Variants in TMTC1 observed in about 807,000 individuals in gnomAD.
TMTC1 encodes the protein protein O-mannosyl-transferase TMTC1.
TMTC1 carries 73 observed loss-of-function variants against 104.8 expected under a neutral mutation model. That is an observed-to-expected ratio of 0.70 (90% CI 0.58 to 0.85). The LOEUF is 0.85. TMTC1 is among the 40% of genes least tolerant of loss of function. The pLI is 0.00. For missense variants in TMTC1, 1,035 were observed against 1,096.1 expected (o/e 0.94, Z 0.79); for synonymous variants, 434 against 428.7 (o/e 1.01, Z -0.15).
intron 5 of TMTC1, chr12:29,659,917 C>A (rs1401973571): frequency 1.3e-6 from 2 of 1,535,934 alleles, no homozygotes; most frequent in Non-Finnish European, 1.7e-6. Flanking sequence ...GCTGGATTAT[C>A]CTGCTCTGAA....
chr12:29,620,514 T>C (rs1375629061), intron 6 of TMTC1, among the ~76,000 whole-genome samples: 5 of 152,236 alleles, frequency 3.3e-5, no homozygotes, highest in African/African-American at 4.8e-5. Context: ...ATGACAATCA[T>C]AAGTCTGATA....
At chr12:29,538,758 T>TA (rs1372747956) in intron 10 of TMTC1, among the ~76,000 whole-genome samples, 5 of 152,144 alleles carry the variant, frequency 3.3e-5, no homozygotes, top group Admixed American at 2.0e-4. Context: ...AGATTCTTGA[T>TA]AAAAAACATC....
chr12:29,515,122 A>G (rs1280050177), intron 15 of TMTC1, among the ~76,000 whole-genome samples: 2 of 152,192 alleles, frequency 1.3e-5, no homozygotes, highest in Non-Finnish European at 2.9e-5. Context: ...ATGAGTGGCA[A>G]TAAAATATCC....
rs753553599 is a variant in TMTC1, at chr12:29,517,538, C to A, written c.2058G>T (p.Leu686Phe). The change falls in exon 14 of 18, where the codon TTG becomes TTT. Residue 686 changes from leucine (L) to phenylalanine (F), a missense_variant. Leu to Phe is a conservative substitution (Grantham distance 22). Coordinates refer to ENST00000539277, the MANE Select transcript of TMTC1 (RefSeq NM_001193451.2). The stretch of plus-strand genomic sequence containing the variant: ...TGTAATACAGTGCTCCCAAAGGTGA[C>A]AATATCTCAGCTTTGTGTGCCACCT... ...ALQVAHKAEI[L>F]SPLGALYYNT... The A allele has an allele frequency of 6.2e-7, 1 of 1,614,140 alleles. No individual in the cohort carries two copies. Among genetic ancestry groups the A allele is most frequent in the East Asian group, 2.2e-5 (1 of 44,882 alleles).
At chr12:29,534,027 G>A (rs1161818413) in intron 11 of TMTC1, 2 of 152,180 alleles carry the variant, frequency 1.3e-5, no homozygotes, top group Admixed American at 6.5e-5. Context: ...CTAAGGGGAT[G>A]GCTTCACTGT....
chr12:29,696,828 T>C (rs910418353), intron 5 of TMTC1, among the ~76,000 whole-genome samples: 2 of 152,184 alleles, frequency 1.3e-5, no homozygotes, highest in African/African-American at 4.8e-5. Context: ...TTTATAAATT[T>C]TTCATTTCCT....
At chr12:29,771,648 A>C (rs1179274833) in intron 1 of TMTC1, among the ~76,000 whole-genome samples, 1 of 152,170 alleles carries the variant, frequency 6.6e-6, no homozygotes, top group Non-Finnish European at 1.5e-5. Context: ...TACCAGGTGC[A>C]GACATGGGGA....
chr12:29,517,834 C>T (rs1488261436), intron 13 of TMTC1, among the ~76,000 whole-genome samples: 1 of 152,136 alleles, frequency 6.6e-6, no homozygotes, highest in Non-Finnish European at 1.5e-5. Context: ...CCTGCCTCAG[C>T]CTCCTGAGTA....
At chr12:29,774,651 A>T (rs1943667725) in intron 1 of TMTC1, among the ~76,000 whole-genome samples, 1 of 152,138 alleles carries the variant, frequency 6.6e-6, no homozygotes, top group Non-Finnish European at 1.5e-5. Flanking sequence ...TGCTTATAAG[A>T]GGTTTCCATA....
At chr12:29,584,677 A>G (rs1462599233) in intron 7 of TMTC1, among the ~76,000 whole-genome samples, 1 of 151,858 alleles carries the variant, frequency 6.6e-6, no homozygotes, top group Non-Finnish European at 1.5e-5. Context: ...GCTATGAGTG[A>G]GAACATGCGG....
chr12:29,643,200 G>C (rs917333658), intron 5 of TMTC1, among the ~76,000 whole-genome samples: 7 of 151,772 alleles, frequency 4.6e-5, no homozygotes, highest in African/African-American at 1.7e-4. Context: ...TGGTAGGAAT[G>C]TAAACTAGTA....
intron 9 of TMTC1, among the ~76,000 whole-genome samples, chr12:29,560,315 T>C (rs1288394013): frequency 6.6e-6 from 1 of 152,244 alleles, no homozygotes; most frequent in Non-Finnish European, 1.5e-5. Context: ...TCTCACAGTA[T>C]TCTTCAACAT....
chr12:29,605,848 C>T (rs117924983), intron 6 of TMTC1, among the ~76,000 whole-genome samples: 5,323 of 152,204 alleles, frequency 0.035, 131 homozygotes, highest in Middle Eastern at 0.065. Flanking sequence ...AGTTTTTCAG[C>T]CCTTGCCTCC....
intron 5 of TMTC1, among the ~76,000 whole-genome samples, chr12:29,738,434 G>C (rs1942739313): frequency 6.6e-6 from 1 of 152,178 alleles, no homozygotes; most frequent in Admixed American, 6.5e-5. Context: ...TGGCCAAAGT[G>C]AATGCCTGGC....
At chr12:29,660,135 A>G (rs1265510662) in intron 5 of TMTC1, among the ~76,000 whole-genome samples, 1 of 152,194 alleles carries the variant, frequency 6.6e-6, no homozygotes, top group Non-Finnish European at 1.5e-5. Flanking sequence ...GACCAACAGA[A>G]CATGCAGAAG....
intron 10 of TMTC1, among the ~76,000 whole-genome samples, chr12:29,538,543 A>AC (rs398116285): frequency 6.6e-6 from 1 of 151,542 alleles, no homozygotes; most frequent in Non-Finnish European, 1.5e-5. Context: ...AGAAAAAAAA[A>AC]CCCATAACAT....
chr12:29,527,946 C>A (rs1352883990), intron 11 of TMTC1, among the ~76,000 whole-genome samples: 2 of 152,096 alleles, frequency 1.3e-5, no homozygotes, highest in Non-Finnish European at 2.9e-5. Flanking sequence ...CTTCAGTAAC[C>A]CCAATGGCAG....
chr12:29,766,952 T>C (rs919725318), intron 2 of TMTC1, among the ~76,000 whole-genome samples: 5 of 130,114 alleles, frequency 3.8e-5, no homozygotes, highest in Non-Finnish European at 6.6e-5. Context: ...TAGCTATCAA[T>C]ACTTTTTTTT....
intron 6 of TMTC1, among the ~76,000 whole-genome samples, chr12:29,605,571 TAAA>T (rs34353381): frequency 5.9e-5 from 6 of 101,868 alleles, no homozygotes; most frequent in South Asian, 3.2e-4. Flanking sequence ...CCAAAAAGGG[TAAA>T]AAAAAAAAAA....
Sources: gnomAD v4.1 joint callset for allele counts (sites outside exome capture counted in the v4.1 genomes callset) on GRCh38, gnomAD v4.1.1 for gene constraint, MANE v1.5 for transcripts, NCBI Gene and HGNC (gene_info 2026-07-23, HGNC 2026-07-21) for gene names.